The following DGKI variants were observed in gnomAD, a reference collection of about 807,000 sequenced individuals.
The protein encoded by DGKI is DAG kinase iota.
In DGKI, 55 loss-of-function variants were observed where a neutral mutation model predicts 147.5. The observed-to-expected ratio is 0.37, with a 90% CI of 0.30 to 0.47. DGKI has a LOEUF of 0.47. Among genes scored for constraint, DGKI ranks in the 20% least tolerant of loss-of-function variants. DGKI has a pLI of 1.00. For missense variants in DGKI, 1,007 were observed against 1,323.8 expected (o/e 0.76, Z 3.71); for synonymous variants, 469 against 477.1 (o/e 0.98, Z 0.22).
chr7:137,496,315 C>T (rs1161822626), intron 21 of DGKI, among the ~76,000 whole-genome samples: 1 of 151,952 alleles, frequency 6.6e-6, no homozygotes, highest in Non-Finnish European at 1.5e-5. Flanking sequence ...AGAGATGACA[C>T]AAACAAATAG....
chr7:137,787,050 T>C (rs1008732805), intron 1 of DGKI, among the ~76,000 whole-genome samples: 5 of 152,132 alleles, frequency 3.3e-5, no homozygotes, highest in Non-Finnish European at 7.4e-5. Flanking sequence ...AAAACCCTTC[T>C]AGACATTGGC....
At chr7:137,604,845 C>T (rs1361032866) in intron 10 of DGKI, among the ~76,000 whole-genome samples, 2 of 152,120 alleles carry the variant, frequency 1.3e-5, no homozygotes, top group African/African-American at 2.4e-5. Flanking sequence ...CAGAAAGATG[C>T]TAATGAGTCC....
intron 1 of DGKI, among the ~76,000 whole-genome samples, chr7:137,797,382 C>T (rs1401342282): frequency 6.6e-6 from 1 of 152,036 alleles, no homozygotes; most frequent in East Asian, 1.9e-4. Flanking sequence ...ATAAAGGTAA[C>T]CACATAGGTA....
chr7:137,402,696 C>A (rs1811804754), intron 30 of DGKI, among the ~76,000 whole-genome samples: 1 of 152,144 alleles, frequency 6.6e-6, no homozygotes, highest in African/African-American at 2.4e-5. Flanking sequence ...TCCCATTAGT[C>A]TCCCTGACGC....
intron 20 of DGKI, among the ~76,000 whole-genome samples, chr7:137,542,183 C>A (rs531032101): frequency 3.3e-5 from 5 of 152,262 alleles, no homozygotes; most frequent in African/African-American, 7.2e-5. Context: ...CAAAATGGTG[C>A]GACCATTCTG....
At chr7:137,691,103 G>C (rs1823587899) in intron 1 of DGKI, among the ~76,000 whole-genome samples, 1 of 152,158 alleles carries the variant, frequency 6.6e-6, no homozygotes, top group African/African-American at 2.4e-5. Context: ...GCAACTCTGA[G>C]TCCTGAATCA....
At chr7:137,465,323 T>C (rs1044788860) in intron 26 of DGKI, among the ~76,000 whole-genome samples, 3 of 152,220 alleles carry the variant, frequency 2.0e-5, no homozygotes, top group Non-Finnish European at 4.4e-5. Context: ...GGAATGACTT[T>C]AAGTGCTTTA....
At chr7:137,462,419 G>A (rs1007999728) in intron 27 of DGKI, among the ~76,000 whole-genome samples, 10 of 152,066 alleles carry the variant, frequency 6.6e-5, no homozygotes, top group African/African-American at 7.3e-5. Context: ...TTCCTTTCCC[G>A]TCTTCACACA....
At chr7:137,475,638 T>C (rs369272872) in intron 23 of DGKI, among the ~76,000 whole-genome samples, 1 of 152,332 alleles carries the variant, frequency 6.6e-6, no homozygotes, top group East Asian at 1.9e-4. Context: ...ATGCAAGGCA[T>C]GTGACGGAAG....
chr7:137,672,937 C>T (rs79480898), intron 3 of DGKI, among the ~76,000 whole-genome samples: 6,270 of 152,070 alleles, frequency 0.041, 380 homozygotes, highest in African/African-American at 0.14. Context: ...GCATGCATCA[C>T]TACCCCGGCT....
chr7:137,707,799 A>AT (rs1226040200), intron 1 of DGKI, among the ~76,000 whole-genome samples: 1 of 152,158 alleles, frequency 6.6e-6, no homozygotes, highest in Non-Finnish European at 1.5e-5. Context: ...AGTCTCAGGT[A>AT]TTTTTTTATA....
At chr7:137,524,355 C>A (rs1462361611) in intron 20 of DGKI, among the ~76,000 whole-genome samples, 30 of 151,990 alleles carry the variant, frequency 2.0e-4, no homozygotes, top group Non-Finnish European at 3.4e-4. Context: ...TGTGGTGAAA[C>A]CTGGGCATTA....
At chr7:137,458,472 C>G (rs1814292597) in intron 27 of DGKI, among the ~76,000 whole-genome samples, 1 of 152,122 alleles carries the variant, frequency 6.6e-6, no homozygotes, top group Non-Finnish European at 1.5e-5. Flanking sequence ...AAAAGTACAA[C>G]TCTTTCAGTC....
intron 3 of DGKI, among the ~76,000 whole-genome samples, chr7:137,658,902 G>A (rs780284305): frequency 4.6e-5 from 7 of 152,188 alleles, no homozygotes; most frequent in Non-Finnish European, 8.8e-5. Context: ...GCAACGTTCC[G>A]CAGATGATAA....
At chr7:137,564,871 C>T (rs1020245283) in intron 19 of DGKI, among the ~76,000 whole-genome samples, 3 of 152,234 alleles carry the variant, frequency 2.0e-5, no homozygotes, top group Non-Finnish European at 2.9e-5. Context: ...TGGCCTTCAG[C>T]GACCCCCAAC....
chr7:137,664,839 A>G (rs1320717604), intron 3 of DGKI, among the ~76,000 whole-genome samples: 3 of 152,232 alleles, frequency 2.0e-5, no homozygotes, highest in Admixed American at 2.0e-4. Flanking sequence ...AGAAATAAGT[A>G]CTAAAAAGAA....
At chr7:137,702,399 T>C (rs1824014158) in intron 1 of DGKI, among the ~76,000 whole-genome samples, 1 of 152,196 alleles carries the variant, frequency 6.6e-6, no homozygotes, top group African/African-American at 2.4e-5. Flanking sequence ...TCTGTGCTTC[T>C]AGCAGGAATA....
Position 137,383,801 on chromosome 7 carries a change from A to G in DGKI, c.*7419T>C, listed in dbSNP as rs1207643143. On this transcript the variant is annotated 3_prime_UTR_variant, in exon 33 of 33. Transcript: ENST00000614521. The stretch of plus-strand genomic sequence containing the variant: ...CTTCCCTGCAGAATTTGAAACTAAC[A>G]GTCCTACTTAACCTAACTCCTCTAC... The G allele has an allele frequency of 6.6e-6, 1 of 152,062 alleles. No homozygotes were observed. Among genetic ancestry groups the G allele is most frequent in the Admixed American group, 6.6e-5 (1 of 15,250 alleles). 9.4% of individuals were successfully genotyped at this position (152,062 alleles called of 1,614,324 possible).
rs556599303 is a variant in DGKI, at chr7:137,530,868, G to A, written c.2148-8902C>T. ...TTGCTGTACCACCTTCAGGTATCGA[G>A]TTGAGCCTCTGGCTTGCCCCTGCTT... On this transcript the variant is annotated intron_variant, in intron 20 of 32. Transcript: ENST00000614521. Among the ~76,000 whole-genome samples the A allele has an allele frequency of 1.2e-3, 181 of 152,056 alleles. 2 individuals carry two copies. The highest frequency in any genetic ancestry group is 1.5e-3 in the Non-Finnish European group (104 of 68,012).
Sources: allele counts gnomAD v4.1 joint callset (sites outside exome capture counted in the v4.1 genomes callset), GRCh38; gene constraint gnomAD v4.1.1; transcripts MANE v1.5; gene names NCBI Gene and HGNC (gene_info 2026-07-23, HGNC 2026-07-21).